The following KLRB1 variants were observed in gnomAD, a reference collection of about 807,000 sequenced individuals.
The protein encoded by KLRB1 is killer cell lectin-like receptor subfamily B member 1.
A neutral mutation model predicts 33.5 loss-of-function variants in KLRB1; 27 were observed. The ratio of observed to expected loss-of-function variants is 0.81; its 90% CI spans 0.59 to 1.11. KLRB1 has a LOEUF of 1.11. KLRB1 is among the 50% of genes most tolerant of loss of function. KLRB1 has a pLI of 0.00. For missense variants in KLRB1, 241 were observed against 254.1 expected (o/e 0.95, Z 0.35); for synonymous variants, 64 against 88.9 (o/e 0.72, Z 1.58).
At chr12:9,606,760 ATTTTTTT>A (rs1185510083) in intron 1 of KLRB1, among the ~76,000 whole-genome samples, 2 of 63,742 alleles carry the variant, frequency 3.1e-5, no homozygotes, top group African/African-American at 1.7e-4. Flanking sequence ...ATATATATAT[ATTTTTTT>A]TTTTTTTTTG....
chr12:9,606,622 A>C (rs1178327150), intron 1 of KLRB1, among the ~76,000 whole-genome samples: 3 of 146,366 alleles, frequency 2.0e-5, no homozygotes, highest in African/African-American at 7.5e-5. Context: ...GAGAGAGTGA[A>C]GTATGTTACT....
rs1368160985 is a variant in KLRB1 at position 9,606,755 on chromosome 12, TATATA to T, written c.85+995_85+999del. 2.1e-3 allele frequency among the ~76,000 whole-genome samples: 61 copies of T among 28,616 alleles called. 1 individual carries two copies. Among genetic ancestry groups the T allele is most frequent in the African/African-American group, 5.1e-3 (42 of 8,182 alleles). The allele number at this position is 28,616 out of a possible 152,430, so 18.8% of individuals were successfully genotyped here. A position where few individuals can be genotyped will look rare whatever the true frequency, so the allele number is the denominator to read the frequency against. Reference sequence around the variant, plus strand: ...AAAAGTATATATATATATATATATATATATATTTTTTTTTTTTTTTTGAGATAGTC... The same window carrying T: ...AAAAGTATATATATATATATATATATTTTTTTTTTTTTTTTTGAGATAGTC... On this transcript the variant is annotated intron_variant, in intron 1 of 5. Transcript: ENST00000229402.
Position 9,601,564 on chromosome 12 carries a change from G to T in KLRB1, c.121C>A (p.Leu41Met). 1 of 1,613,660 alleles carries T rather than the reference G, an allele frequency of 6.2e-7. No individual in the cohort carries two copies. The highest frequency in any genetic ancestry group is 8.5e-7 in the Non-Finnish European group (1 of 1,179,712). ...ATAATCCCAGCACAGCTAAGTTTCA[G>T]GGCAAATTGATGCCAAGGTGAACCC... is the stretch of plus-strand genomic sequence containing the variant. ...CQGSPWHQFALKLSCAGIILL... is the reference protein window; with the variant it reads ...CQGSPWHQFAMKLSCAGIILL... Residue 41 changes from leucine (L) to methionine (M), a missense_variant, in exon 2 of 6, where the codon CTG becomes ATG. Leu to Met is a conservative substitution (Grantham distance 15). Transcript: ENST00000229402.
intron 3 of KLRB1, among the ~76,000 whole-genome samples, 174 bp from the exon 4 acceptor site, chr12:9,598,827 T>C (rs1257505191): frequency 6.6e-6 from 1 of 152,206 alleles, no homozygotes; most frequent in Non-Finnish European, 1.5e-5. Flanking sequence ...CTGTTCATTC[T>C]AGTACCAAGA....
intron 1 of KLRB1, among the ~76,000 whole-genome samples, 172 bp from the exon 2 acceptor site, chr12:9,601,771 G>A (rs1288887946): frequency 6.6e-6 from 1 of 152,166 alleles, no homozygotes; most frequent in Non-Finnish European, 1.5e-5. Context: ...CATTCTAAAA[G>A]TAGAGTCCTG....
At chr12:9,598,694 C>A in intron 3 of KLRB1, 41 bp from the exon 4 acceptor site, 1 of 1,490,202 alleles carries the variant, frequency 6.7e-7, no homozygotes, top group Admixed American at 1.8e-5. Flanking sequence ...TGTTATATTT[C>A]TAACCTATCC....
intron 1 of KLRB1, among the ~76,000 whole-genome samples, chr12:9,607,338 T>TCC (rs1565444543): frequency 0.053 from 2,565 of 48,332 alleles, 112 homozygotes; most frequent in South Asian, 0.13. Context: ...TTTCTTTCCT[T>TCC]TCTTTCTTTC....
chr12:9,607,394 T>TTCTTTCTTTCTA (rs1864630311), intron 1 of KLRB1, among the ~76,000 whole-genome samples: 1 of 113,418 alleles, frequency 8.8e-6, no homozygotes, highest in African/African-American at 3.0e-5. Flanking sequence ...CTTTCTTTCT[T>TTCTTTCTTTCTA]TCTTTCTTTC....
At chr12:9,606,751 TATATATATA>T (rs1461649617) in intron 1 of KLRB1, among the ~76,000 whole-genome samples, 22 of 33,472 alleles carry the variant, frequency 6.6e-4, no homozygotes, top group African/African-American at 1.6e-3. Flanking sequence ...TATATATATA[TATATATATA>T]TTTTTTTTTT....
At chr12:9,606,538 C>T (rs191186742) in intron 1 of KLRB1, 62 of 151,210 alleles carry the variant, frequency 4.1e-4, no homozygotes, top group Non-Finnish European at 6.2e-4. Context: ...AAACTAGAAA[C>T]TATCAGGTAG....
chr12:9,607,396 CTTTCTTTCT>C (rs1864630568), intron 1 of KLRB1, among the ~76,000 whole-genome samples: 3 of 93,832 alleles, frequency 3.2e-5, no homozygotes, highest in African/African-American at 1.1e-4. Context: ...TTCTTTCTTT[CTTTCTTTCT>C]TTTCTTTCTT....
At chr12:9,605,427 G>C (rs563815593) in intron 1 of KLRB1, among the ~76,000 whole-genome samples, 2 of 152,130 alleles carry the variant, frequency 1.3e-5, no homozygotes, top group Non-Finnish European at 2.9e-5. Flanking sequence ...TCTTCCACAA[G>C]TGTGCCTCTA....
Position 9,595,238 on chromosome 12 carries a change from T to C in KLRB1, c.*36A>G. On this transcript the variant is annotated 3_prime_UTR_variant, in exon 6 of 6. Transcript: ENST00000229402. ...GTGCAGCTACAAGTACAGAGATCAG[T>C]AATGGGAAGCAAATAAATTGAGATG... 1 of 1,596,400 alleles carries C rather than the reference T, an allele frequency of 6.3e-7. No homozygotes were observed.
Position 9,594,945 on chromosome 12 carries a change from T to C in KLRB1, c.*329A>G. 4.9e-6 allele frequency: 1 copy of C among 203,692 alleles called. No homozygotes were observed. The highest frequency in any genetic ancestry group is 5.7e-5 in the Admixed American group (1 of 17,602). 12.6% of individuals were successfully genotyped at this position (203,692 alleles called of 1,614,324 possible). ...CGGGAAGAGACAGGTCAGCTCTCCC[T>C]TTCTGAATCTACAATTTCTCCACTG... On this transcript the variant is annotated 3_prime_UTR_variant, in exon 6 of 6. Transcript: ENST00000229402.
chr12:9,595,846 A>C (rs1415003839), intron 5 of KLRB1, among the ~76,000 whole-genome samples: 1 of 152,180 alleles, frequency 6.6e-6, no homozygotes, highest in Non-Finnish European at 1.5e-5. Flanking sequence ...ATACTTCAAA[A>C]ATATGTGCTG....
At chr12:9,601,854 A>G (rs1189261653) in intron 1 of KLRB1, among the ~76,000 whole-genome samples, 1 of 152,214 alleles carries the variant, frequency 6.6e-6, no homozygotes, top group African/African-American at 2.4e-5. Context: ...TGTGTATACA[A>G]AGGATTGGTG....
rs1464261124 is a variant in KLRB1 at position 9,597,083 on chromosome 12, A to G, written c.530+963T>C. Among the ~76,000 whole-genome samples, 4 of 152,160 alleles carry G rather than the reference A, an allele frequency of 2.6e-5. No individual in the cohort carries two copies. The East Asian group carries it at 7.7e-4, about 29-fold the overall frequency. On this transcript the variant is annotated intron_variant, in intron 5 of 5. Coordinates refer to ENST00000229402, the MANE Select transcript of KLRB1 (RefSeq NM_002258.3). ...TCAAAACTTTGCTGATTGAGCCAAC[A>G]TTTCTTTCAGTGTTTAATACTTTCC...
At chr12:9,601,719 A>C in intron 1 of KLRB1, 120 bp from the exon 2 acceptor site, 1 of 659,520 alleles carries the variant, frequency 1.5e-6, no homozygotes, top group South Asian at 1.7e-5. Context: ...GGACAATTAG[A>C]TTCAGCTTGG....
In KLRB1 at chr12:9,598,031, T is replaced by C. The variant is rs907491372; in HGVS notation, c.530+15A>G. Reference sequence around the variant, plus strand: ...ATATAAATTGAATATTAAAGTTAGCTCATCTAATACTCACTCATTAGAATT... The same window carrying C: ...ATATAAATTGAATATTAAAGTTAGCCCATCTAATACTCACTCATTAGAATT... On this transcript the variant is annotated intron_variant, in intron 5 of 5. Coordinates refer to ENST00000229402, the MANE Select transcript of KLRB1 (RefSeq NM_002258.3). 9 of 1,105,644 alleles carry C rather than the reference T, an allele frequency of 8.1e-6. No homozygotes were observed. The highest frequency in any genetic ancestry group is 1.2e-5 in the Non-Finnish European group (9 of 739,032). 68.5% of individuals were successfully genotyped at this position (1,105,644 alleles called of 1,614,324 possible). A position where few individuals can be genotyped will look rare whatever the true frequency, so the allele number is the denominator to read the frequency against.
Sources: allele counts gnomAD v4.1 joint callset (sites outside exome capture counted in the v4.1 genomes callset), GRCh38; gene constraint gnomAD v4.1.1; transcripts MANE v1.5; gene names NCBI Gene and HGNC (gene_info 2026-07-23, HGNC 2026-07-21).